Variants in ABCC1 observed in about 807,000 individuals in gnomAD.
ABCC1 encodes multidrug resistance-associated protein 1.
Under a neutral mutation model 172.9 loss-of-function variants are expected in ABCC1, and 83 were observed. The observed-to-expected ratio is 0.48, with a 90% confidence interval of 0.40 to 0.58. The LOEUF (loss-of-function observed/expected upper bound fraction) is 0.58, where lower values mean the gene tolerates loss of function less well. Ranked by LOEUF, ABCC1 falls within the 20% of genes least tolerant of loss-of-function variation. The probability of loss-of-function intolerance (pLI) is 0.00; values close to 1 mark genes in which losing one functional copy is unlikely to be tolerated. For missense variants in ABCC1, 1,817 were observed against 2,002.7 expected, an observed-to-expected ratio of 0.91 and a Z score of 1.77; for synonymous variants, 937 against 825.2, an observed-to-expected ratio of 1.14 and a Z score of -2.32.
In ABCC1 at chr16:16,138,355, C is replaced by T. The variant is rs763065838; in HGVS notation, c.4293-9C>T. ...AACACTATCTCCTGGTTTTTTTCTT[C>T]CGGTCAAGTGTCGGGCAGCGCCAGC... On this transcript the variant is annotated splice_polypyrimidine_tract_variant and intron_variant, in intron 29 of 30. Transcript: ENST00000399410. 41 of 1,565,916 alleles carry T rather than the reference C, an allele frequency of 2.6e-5. No individual in the cohort carries two copies. The East Asian group carries it at 4.8e-4, about 18-fold the overall frequency.
chr16:15,986,316 G>C (rs546055892), intron 1 of ABCC1, among the ~76,000 whole-genome samples: 2 of 152,164 alleles, frequency 1.3e-5, no homozygotes, highest in African/African-American at 4.8e-5. Flanking sequence ...GGCCCACCTG[G>C]ATCATCTAGG....
chr16:16,067,627 AGT>A, intron 12 of ABCC1, among the ~76,000 whole-genome samples: 1 of 152,168 alleles, frequency 6.6e-6, no homozygotes, highest in Admixed American at 6.5e-5. Context: ...AATATGGCAA[AGT>A]GTATGGTTTT....
intron 12 of ABCC1, among the ~76,000 whole-genome samples, chr16:16,058,955 G>A (rs1478395497): frequency 1.3e-5 from 2 of 152,170 alleles, no homozygotes; most frequent in Admixed American, 6.6e-5. Context: ...AGTGCTGGCT[G>A]TTAGCTTGTT....
chr16:16,111,558 T>C lies in ABCC1; in HGVS notation c.3055T>C (p.Tyr1019His). The C allele has an allele frequency of 6.2e-7, 1 of 1,613,628 alleles. No homozygotes were observed. Among genetic ancestry groups the C allele is most frequent in the East Asian group, 2.2e-5 (1 of 44,882 alleles). The change falls in exon 22 of 31, where the codon TAT (tyrosine) becomes CAT (histidine). Residue 1019 changes from tyrosine (Y) to histidine (H), a missense_variant. Tyr to His is a moderately conservative substitution (Grantham distance 83, BLOSUM62 2). This residue lies in a region of ABCC1 where 1,412 missense variants were observed against 1,600.3 expected (regional missense o/e 0.88). Transcript: ENST00000399410. The stretch of plus-strand genomic sequence containing the variant: ...GCACACGAAAGTCCGGCTGAGCGTC[T>C]ATGGAGCCCTGGGCATTTCACAAGG... ...QEHTKVRLSV[Y>H]GALGISQGIA...
intron 24 of ABCC1, among the ~76,000 whole-genome samples, chr16:16,123,222 G>T (rs1240308875): frequency 6.6e-6 from 1 of 151,918 alleles, no homozygotes; most frequent in African/African-American, 2.4e-5. Context: ...CAGTCACTTG[G>T]TTCATAAGGG....
At chr16:16,133,837 G>A (rs1183505590) in intron 27 of ABCC1, among the ~76,000 whole-genome samples, 1 of 152,170 alleles carries the variant, frequency 6.6e-6, no homozygotes, top group Non-Finnish European at 1.5e-5. Flanking sequence ...CTGGAGGTCA[G>A]GAACATCATC....
chr16:16,130,001 C>T (rs1293492749), intron 26 of ABCC1, among the ~76,000 whole-genome samples: 2 of 152,346 alleles, frequency 1.3e-5, no homozygotes, highest in East Asian at 1.9e-4. Context: ...GTGCATTCCC[C>T]GAGGCTAAAA....
At chr16:16,056,352 G>T (rs768380946) in intron 12 of ABCC1, 57 bp downstream of exon 12, 9 of 1,577,222 alleles carry the variant, frequency 5.7e-6, no homozygotes, top group Middle Eastern at 1.7e-4. Context: ...TTTTCTCTGC[G>T]TACCTGAATA....
intron 5 of ABCC1, among the ~76,000 whole-genome samples, chr16:16,024,372 G>C (rs957776594): frequency 8.5e-5 from 13 of 152,118 alleles, no homozygotes; most frequent in African/African-American, 3.1e-4. Flanking sequence ...TTTGTTTTGA[G>C]ATGGAGTTTC....
intron 1 of ABCC1, among the ~76,000 whole-genome samples, chr16:15,990,977 T>G (rs2151630180): frequency 6.6e-6 from 1 of 152,126 alleles, no homozygotes; most frequent in South Asian, 2.1e-4. Context: ...TTTCTTTCCT[T>G]TTTAAGGCTG....
chr16:15,970,064 C>T (rs142047988), intron 1 of ABCC1, among the ~76,000 whole-genome samples: 2 of 152,124 alleles, frequency 1.3e-5, no homozygotes, highest in African/African-American at 4.8e-5. Context: ...AAAAAGGAGA[C>T]TCCTTAAGTG....
intron 1 of ABCC1, among the ~76,000 whole-genome samples, chr16:15,998,375 C>T (rs2047132021): frequency 6.6e-6 from 1 of 152,202 alleles, no homozygotes; most frequent in African/African-American, 2.4e-5. Flanking sequence ...AATCCTCCCG[C>T]CTCAGCCTCC....
intron 1 of ABCC1, among the ~76,000 whole-genome samples, chr16:15,988,359 T>G (rs2046787681): frequency 6.6e-6 from 1 of 152,184 alleles, no homozygotes. Context: ...GGGCCGGCCC[T>G]TGGTCCCTAT....
rs763099890 is a variant in ABCC1 at position 16,098,857 on chromosome 16, T to C, written c.2645-3770T>C. 5 of 1,351,866 alleles carry C rather than the reference T, an allele frequency of 3.7e-6. No individual in the cohort carries two copies. In the African/African-American group the frequency reaches 7.4e-5, roughly 20 times the overall value. 83.7% of individuals were successfully genotyped at this position (1,351,866 alleles called of 1,614,324 possible). On this transcript the variant is annotated intron_variant, in intron 19 of 30. Coordinates refer to ENST00000399410, the MANE Select transcript of ABCC1 (RefSeq NM_004996.4). ...CTTTGCTTCTTAACAATATCTTGGG[T>C]CTTCTGAATTCCCAGGCAGCACAGT...
chr16:16,111,092 T>G (rs13336889), intron 21 of ABCC1, among the ~76,000 whole-genome samples: 51,326 of 151,894 alleles, frequency 0.34, 9,291 homozygotes, highest in African/African-American at 0.46. Context: ...AGAGGCAGGA[T>G]TTTGCCATAT....
intron 12 of ABCC1, among the ~76,000 whole-genome samples, chr16:16,066,623 G>A (rs1392973858): frequency 6.6e-6 from 1 of 152,036 alleles, no homozygotes; most frequent in African/African-American, 2.4e-5. Flanking sequence ...TCTGGGCTGG[G>A]CATGGTGGCT....
In ABCC1 at chr16:16,132,628, T is replaced by C. The variant is rs1209670078; in HGVS notation, c.3966+693T>C. Reference sequence around the variant, plus strand: ...CTTCTGCCTCCTGGGTTCAAGTGATTCTCCTGCCTTAGCCTCCCGAGTAGC... The same window carrying C: ...CTTCTGCCTCCTGGGTTCAAGTGATCCTCCTGCCTTAGCCTCCCGAGTAGC... On this transcript the variant is annotated intron_variant, in intron 27 of 30. Transcript: ENST00000399410. Among the ~76,000 whole-genome samples the C allele has an allele frequency of 4.1e-5, 6 of 147,700 alleles. No individual in the cohort carries two copies. The Admixed American group carries it at 4.2e-4, about 10-fold the overall frequency.
chr16:15,951,346 G>GT (rs1567269973), intron 1 of ABCC1, among the ~76,000 whole-genome samples: 3 of 152,162 alleles, frequency 2.0e-5, no homozygotes, highest in South Asian at 4.2e-4. Context: ...GGTGCGCTTT[G>GT]TTTATCTTAA....
chr16:16,101,019 T>TTTTTTTATTTTTA (rs1439787367), intron 19 of ABCC1, among the ~76,000 whole-genome samples: 1 of 151,936 alleles, frequency 6.6e-6, no homozygotes, highest in Non-Finnish European at 1.5e-5. Flanking sequence ...TTTTAGATTT[T>TTTTTTTATTTTTA]TTTTTTATTT....
Sources: allele counts gnomAD v4.1 joint callset (sites outside exome capture counted in the v4.1 genomes callset), GRCh38; gene constraint gnomAD v4.1.1; regional missense constraint gnomAD v4.1.1; transcripts MANE v1.5; gene names NCBI Gene and HGNC (gene_info 2026-07-23, HGNC 2026-07-21).